VPS45: variants seen among roughly 807,000 people sequenced by gnomAD.
The protein encoded by VPS45 is vacuolar protein sorting-associated protein 45.
A neutral mutation model predicts 75.9 loss-of-function variants in VPS45; 35 were observed. The observed-to-expected ratio is 0.46, with a 90% CI of 0.35 to 0.61. The LOEUF (loss-of-function observed/expected upper bound fraction) is 0.61. VPS45 is among the 20% of genes least tolerant of loss of function. The pLI, the probability that VPS45 is intolerant of heterozygous loss-of-function variation, is 0.00. For missense variants in VPS45, 559 were observed against 685.9 expected (o/e 0.81, Z 2.07); for synonymous variants, 220 against 238.2 (o/e 0.92, Z 0.70).
intron 13 of VPS45, among the ~76,000 whole-genome samples, chr1:150,094,955 C>T (rs756966715): frequency 3.9e-5 from 6 of 152,194 alleles, no homozygotes; most frequent in Non-Finnish European, 7.3e-5. Flanking sequence ...ACAAAATGCA[C>T]ATTTATCAGT....
chr1:150,083,661 T>TAG (rs1655847819), intron 10 of VPS45, among the ~76,000 whole-genome samples: 1 of 148,402 alleles, frequency 6.7e-6, no homozygotes, highest in African/African-American at 2.5e-5. Flanking sequence ...TATTGATATA[T>TAG]ATATATATTT....
intron 14 of VPS45, among the ~76,000 whole-genome samples, chr1:150,114,986 A>G (rs1287604441): frequency 6.6e-6 from 1 of 152,022 alleles, no homozygotes; most frequent in African/African-American, 2.4e-5. Flanking sequence ...AATTCAGCCA[A>G]GTTTAGAATT....
intron 14 of VPS45, among the ~76,000 whole-genome samples, chr1:150,128,194 C>T (rs1468306171): frequency 1.3e-5 from 2 of 151,566 alleles, no homozygotes; most frequent in South Asian, 2.1e-4. Flanking sequence ...CCCAGCTACT[C>T]GGGAGGCTAA....
At chr1:150,115,701 T>G (rs2101619187) in intron 14 of VPS45, among the ~76,000 whole-genome samples, 1 of 152,352 alleles carries the variant, frequency 6.6e-6, no homozygotes, top group Non-Finnish European at 1.5e-5. Context: ...ATTTTTATGT[T>G]AGTTGCTATA....
chr1:150,122,300 G>A (rs868912329), intron 14 of VPS45, among the ~76,000 whole-genome samples: 1 of 152,002 alleles, frequency 6.6e-6, no homozygotes, highest in African/African-American at 2.4e-5. Context: ...CAGCGTGGGC[G>A]ACAGAAAGAA....
intron 9 of VPS45, 33 bp downstream of exon 9, chr1:150,082,030 G>A: frequency 7.2e-7 from 1 of 1,391,544 alleles, no homozygotes; most frequent in Non-Finnish European, 1.0e-6. Flanking sequence ...TGACAAACAT[G>A]TGACAGTTTG....
chr1:150,067,692 T>G (rs1654796465), upstream of VPS45: 1 of 666,234 alleles, frequency 1.5e-6, no homozygotes, highest in Non-Finnish European at 2.6e-6. Flanking sequence ...CTTGGTCCCC[T>G]GTACACTCCA....
rs782759688 is a variant in VPS45, at chr1:150,145,164, A to G, written c.*368A>G. 2.4e-6 allele frequency: 1 copy of G among 415,542 alleles called. No individual in the cohort carries two copies. Among genetic ancestry groups the G allele is most frequent in the South Asian group, 5.0e-5 (1 of 19,890 alleles). 25.7% of individuals were successfully genotyped at this position (415,542 alleles called of 1,614,324 possible). ...CCTTGGCTTCCTTTCTCTTCCCTTA[A>G]CCCTTTCTGCTTTTCATTAACCACA... On this transcript the variant is annotated 3_prime_UTR_variant, in exon 15 of 15. Coordinates refer to ENST00000644510, the MANE Select transcript of VPS45 (RefSeq NM_007259.5).
chr1:150,069,911 C>A (rs987792421), intron 2 of VPS45, among the ~76,000 whole-genome samples: 1 of 152,156 alleles, frequency 6.6e-6, no homozygotes, highest in Non-Finnish European at 1.5e-5. Flanking sequence ...GGCAAAACTC[C>A]TTAATTGTAG....
At chr1:150,102,617 T>C (rs919793305) in intron 13 of VPS45, among the ~76,000 whole-genome samples, 6 of 149,906 alleles carry the variant, frequency 4.0e-5, no homozygotes, top group African/African-American at 1.5e-4. Context: ...AGACACGGAA[T>C]CAACCTAAAT....
At chr1:150,099,832 CAA>C (rs1241681093) in intron 13 of VPS45, among the ~76,000 whole-genome samples, 526 of 108,512 alleles carry the variant, frequency 4.8e-3, no homozygotes, top group Middle Eastern at 0.045. Context: ...GACTCCGTCT[CAA>C]AAAAAAAAAA....
intron 14 of VPS45, among the ~76,000 whole-genome samples, chr1:150,115,638 T>C (rs1657891029): frequency 6.6e-6 from 1 of 152,214 alleles, no homozygotes; most frequent in African/African-American, 2.4e-5. Flanking sequence ...CTCTCTTGCA[T>C]ATTCTTCTTT....
intron 7 of VPS45, among the ~76,000 whole-genome samples, chr1:150,081,044 C>CA (rs1418127161): frequency 6.6e-6 from 1 of 152,082 alleles, no homozygotes; most frequent in Non-Finnish European, 1.5e-5. Flanking sequence ...AATTCACAGG[C>CA]AAAAAATTGG....
chr1:150,108,325 C>T (rs921167130), intron 13 of VPS45, among the ~76,000 whole-genome samples: 3 of 152,170 alleles, frequency 2.0e-5, no homozygotes, highest in Non-Finnish European at 4.4e-5. Flanking sequence ...TGTGCTGTTT[C>T]TCTGGTAACT....
At chr1:150,075,692 G>C (rs1204182220) in intron 3 of VPS45, among the ~76,000 whole-genome samples, 1 of 152,108 alleles carries the variant, frequency 6.6e-6, no homozygotes, top group Non-Finnish European at 1.5e-5. Flanking sequence ...ATAAAAGACA[G>C]CATGAAAGTT....
chr1:150,112,066 G>A (rs1403074197), intron 14 of VPS45, among the ~76,000 whole-genome samples: 4 of 152,120 alleles, frequency 2.6e-5, no homozygotes, highest in Non-Finnish European at 4.4e-5. Flanking sequence ...CTCTTTGTTA[G>A]TGTCCAGAAC....
At chr1:150,143,661 GTAGGAAAGCTCATGACGTGTT>G (rs1659527842) in intron 14 of VPS45, among the ~76,000 whole-genome samples, 1 of 152,134 alleles carries the variant, frequency 6.6e-6, no homozygotes, top group African/African-American at 2.4e-5. Flanking sequence ...ACTACTTGAG[GTAGGAAAGCTCATGACGTGTT>G]TAGGAACAGT....
At chr1:150,120,972 A>G (rs1390122565) in intron 14 of VPS45, among the ~76,000 whole-genome samples, 1 of 143,868 alleles carries the variant, frequency 7.0e-6, no homozygotes, top group Non-Finnish European at 1.5e-5. Context: ...GGTTCACGCC[A>G]TTCTCCTGCC....
chr1:150,075,138 C>CTTTTTTTTTTTT (rs34217482), intron 3 of VPS45, among the ~76,000 whole-genome samples: 6 of 119,222 alleles, frequency 5.0e-5, no homozygotes, highest in Non-Finnish European at 8.1e-5. Context: ...TTAAAATTGT[C>CTTTTTTTTTTTT]TTTTTTTTTT....
Sources: gnomAD v4.1 joint callset for allele counts (sites outside exome capture counted in the v4.1 genomes callset) on GRCh38, gnomAD v4.1.1 for gene constraint, MANE v1.5 for transcripts, NCBI Gene and HGNC (gene_info 2026-07-23, HGNC 2026-07-21) for gene names.